IFT140: variants seen among roughly 807,000 people sequenced by gnomAD.
IFT140 encodes the protein intraflagellar transport protein 140 homolog.
Under a neutral mutation model 164.6 loss-of-function variants are expected in IFT140, and 133 were observed. The ratio of observed to expected loss-of-function variants is 0.81; its 90% confidence interval spans 0.70 to 0.93. IFT140 has a LOEUF of 0.93. Among genes scored for constraint, IFT140 ranks in the 40% least tolerant of loss-of-function variants. The pLI is 0.00. For missense variants in IFT140, 2,045 were observed against 1,972.3 expected, an observed-to-expected ratio of 1.04 and a Z score of -0.70; for synonymous variants, 860 against 817.3, an observed-to-expected ratio of 1.05 and a Z score of -0.89.
At chr16:1,529,874 C>G (rs1028035235) in intron 19 of IFT140, among the ~76,000 whole-genome samples, 2 of 152,196 alleles carry the variant, frequency 1.3e-5, no homozygotes, top group Non-Finnish European at 2.9e-5. Flanking sequence ...GCAAATGATG[C>G]ACGTGGAGTG....
intron 3 of IFT140, 97 bp from the exon 4 acceptor site, chr16:1,602,688 T>C: frequency 1.8e-6 from 2 of 1,115,432 alleles, no homozygotes; most frequent in South Asian, 2.7e-5. Flanking sequence ...ACTCCTGTAA[T>C]TACAGCACTT....
chr16:1,568,546 G>A (rs1422606030), intron 14 of IFT140, among the ~76,000 whole-genome samples: 4 of 152,216 alleles, frequency 2.6e-5, no homozygotes, highest in Admixed American at 6.5e-5. Flanking sequence ...GGACGAATAT[G>A]AGTGCTTCGT....
intron 7 of IFT140, 43 bp from the exon 8 acceptor site, chr16:1,588,067 G>C: frequency 6.4e-7 from 1 of 1,568,380 alleles, no homozygotes; most frequent in Non-Finnish European, 8.7e-7. Flanking sequence ...TGCTTGCTGA[G>C]ACGGCCTGTC....
chr16:1,519,015 C>T lies in IFT140; in HGVS notation c.4041-658G>A, dbSNP rs201371151. Reference sequence around the variant, plus strand: ...GACCCCTGGCCCATAGAAGGTTGCCCACCCTGGCCCTCACACGTCGTCTCC... The same window carrying T: ...GACCCCTGGCCCATAGAAGGTTGCCTACCCTGGCCCTCACACGTCGTCTCC... On this transcript the variant is annotated intron_variant, in intron 29 of 30. Coordinates refer to ENST00000426508, the MANE Select transcript of IFT140 (RefSeq NM_014714.4). 1.2e-4 allele frequency among the ~76,000 whole-genome samples: 18 copies of T among 152,288 alleles called. No homozygotes were observed. In the East Asian group the frequency reaches 3.5e-3, roughly 29 times the overall value.
At chr16:1,601,926 G>A (rs1376601721) in intron 4 of IFT140, among the ~76,000 whole-genome samples, 2 of 152,232 alleles carry the variant, frequency 1.3e-5, no homozygotes, top group African/African-American at 4.8e-5. Context: ...TCGCTATGCT[G>A]TGGGTCTGTC....
intron 24 of IFT140, 71 bp downstream of exon 24, chr16:1,524,481 C>T: frequency 6.4e-7 from 1 of 1,566,388 alleles, no homozygotes; most frequent in Non-Finnish European, 8.6e-7. Flanking sequence ...TCTCTCTGTC[C>T]ACTTTTCCAC....
intron 3 of IFT140, among the ~76,000 whole-genome samples, chr16:1,606,916 C>A (rs2036095986): frequency 6.6e-6 from 1 of 151,236 alleles, no homozygotes; most frequent in African/African-American, 2.4e-5. Context: ...ATGCACACAC[C>A]CACGTGTGCG....
chr16:1,586,886 T>C (rs1417858149), intron 9 of IFT140, among the ~76,000 whole-genome samples: 2 of 152,202 alleles, frequency 1.3e-5, no homozygotes, highest in Non-Finnish European at 2.9e-5. Flanking sequence ...TTTGTATTTT[T>C]TGTGGAGACG....
rs148834140 is a variant in IFT140 at position 1,559,940 on chromosome 16, G to A, written c.2200-1806C>T. On this transcript the variant is annotated intron_variant, in intron 18 of 30. Transcript: ENST00000426508. ...CTCTGGAACAACAACTATGAGGAGT[G>A]GACGCATGCGGGAAGGTGAGAAATG... Among the ~76,000 whole-genome samples the A allele has an allele frequency of 9.9e-4, 151 of 152,322 alleles. 1 individual carries two copies. The highest frequency in any genetic ancestry group is 3.4e-3 in the African/African-American group (142 of 41,564).
At chr16:1,591,896 A>C (rs2035200979) in intron 6 of IFT140, among the ~76,000 whole-genome samples, 1 of 152,266 alleles carries the variant, frequency 6.6e-6, no homozygotes, top group African/African-American at 2.4e-5. Flanking sequence ...CCATGCAGTC[A>C]GCCTGTAAAT....
intron 30 of IFT140, among the ~76,000 whole-genome samples, chr16:1,515,267 A>G (rs1035048473): frequency 6.6e-6 from 1 of 152,226 alleles, no homozygotes; most frequent in Non-Finnish European, 1.5e-5. Flanking sequence ...GAAGAAAGTC[A>G]TGACAGCAGC....
chr16:1,534,587 C>A (rs142569689), intron 19 of IFT140: 1 of 1,596,688 alleles, frequency 6.3e-7, no homozygotes, highest in African/African-American at 1.3e-5. Context: ...ATGCCTTCAG[C>A]GTGGCCGAGG....
At chr16:1,539,690 G>A (rs898161570) in intron 19 of IFT140, among the ~76,000 whole-genome samples, 1 of 152,260 alleles carries the variant, frequency 6.6e-6, no homozygotes, top group African/African-American at 2.4e-5. Context: ...GCTCACTGGG[G>A]TGTCTGTTTT....
chr16:1,586,021 T>G, intron 10 of IFT140, 109 bp downstream of exon 10: 1 of 1,302,456 alleles, frequency 7.7e-7, no homozygotes. Context: ...TCCACCCGCC[T>G]TGGCCTCCCA....
At chr16:1,542,815 C>A (rs1460629716) in intron 19 of IFT140, among the ~76,000 whole-genome samples, 3 of 152,244 alleles carry the variant, frequency 2.0e-5, no homozygotes, top group African/African-American at 7.2e-5. Flanking sequence ...GCCTTGCAGG[C>A]GAGGGGCCAT....
intron 18 of IFT140, among the ~76,000 whole-genome samples, chr16:1,559,310 C>T (rs1040425005): frequency 6.6e-6 from 1 of 152,170 alleles, no homozygotes; most frequent in Non-Finnish European, 1.5e-5. Flanking sequence ...AGAATGGGTA[C>T]CCAGTTCGCT....
rs2040676182 is a variant in IFT140 at position 1,525,895 on chromosome 16, G to A, written c.2760C>T (p.Ala920=). The change falls in exon 21 of 31, where the codon GCC becomes GCT. Residue 920 remains alanine (A), a synonymous_variant. Transcript: ENST00000426508. The part of the protein sequence containing the change: ...HLEASADCSR[A]LSYYEKSDTH... ...GCGAGGGCCGCACTCACTAACTGAG[G>A]GCCCGGCTGCAGTCGGCGCTGGCCT... 2 of 1,545,254 alleles carry A rather than the reference G, an allele frequency of 1.3e-6. No homozygotes were observed. The highest frequency in any genetic ancestry group is 1.7e-6 in the Non-Finnish European group (2 of 1,146,622).
At chr16:1,539,092 GC>G (rs1484224112) in intron 19 of IFT140, among the ~76,000 whole-genome samples, 1 of 148,114 alleles carries the variant, frequency 6.8e-6, no homozygotes, top group Non-Finnish European at 1.5e-5. Flanking sequence ...GTGCCAGATG[GC>G]CCCCCACCTC....
At chr16:1,522,452 T>C (rs1414444864) in intron 26 of IFT140, among the ~76,000 whole-genome samples, 1 of 152,190 alleles carries the variant, frequency 6.6e-6, no homozygotes, top group African/African-American at 2.4e-5. Context: ...GGAGAATCAC[T>C]TGAACCCGGG....
Sources: allele counts gnomAD v4.1 joint callset (sites outside exome capture counted in the v4.1 genomes callset), GRCh38; gene constraint gnomAD v4.1.1; transcripts MANE v1.5; gene names NCBI Gene and HGNC (gene_info 2026-07-23, HGNC 2026-07-21).